ENAH: variants seen among roughly 807,000 people sequenced by gnomAD.
ENAH encodes the protein ENAH actin regulator, also known as protein enabled homolog.
Under a neutral mutation model 78.7 loss-of-function variants are expected in ENAH, and 23 were observed. The ratio of observed to expected loss-of-function variants is 0.29; its 90% confidence interval spans 0.21 to 0.41. The LOEUF is 0.41. ENAH is among the 10% of genes least tolerant of loss of function. ENAH has a pLI of 1.00. For missense variants in ENAH, 544 were observed against 691.0 expected (o/e 0.79, Z 2.39); for synonymous variants, 226 against 241.0 (o/e 0.94, Z 0.58).
intron 1 of ENAH, among the ~76,000 whole-genome samples, chr1:225,582,268 T>C (rs977190141): frequency 6.6e-6 from 1 of 152,184 alleles, no homozygotes; most frequent in Admixed American, 6.6e-5. Flanking sequence ...GCCAGCATCA[T>C]GATTCTTGTA....
intron 2 of ENAH, among the ~76,000 whole-genome samples, chr1:225,557,442 A>C (rs946236558): frequency 6.6e-6 from 1 of 152,220 alleles, no homozygotes; most frequent in African/African-American, 2.4e-5. Context: ...AGAAATAACA[A>C]TACAATGCTG....
chr1:225,518,969 G>T, intron 5 of ENAH: 1 of 656,528 alleles, frequency 1.5e-6, no homozygotes. Flanking sequence ...TAGAATGGCA[G>T]AATAAAAATT....
intron 1 of ENAH, among the ~76,000 whole-genome samples, chr1:225,570,584 C>A (rs1575568027): frequency 6.6e-6 from 1 of 152,120 alleles, no homozygotes; most frequent in East Asian, 1.9e-4. Context: ...TGATCCATGT[C>A]CATTTCATGA....
At chr1:225,506,598 C>T (rs1192543136) in intron 11 of ENAH, among the ~76,000 whole-genome samples, 2 of 152,298 alleles carry the variant, frequency 1.3e-5, no homozygotes, top group East Asian at 1.9e-4. Flanking sequence ...GTCTGAGAAA[C>T]ATAAATGTGC....
intron 1 of ENAH, among the ~76,000 whole-genome samples, chr1:225,620,485 C>T (rs1656618010): frequency 6.6e-6 from 1 of 151,990 alleles, no homozygotes; most frequent in South Asian, 2.1e-4. Context: ...GAGCCAAGAT[C>T]GGCCACTGCA....
At chr1:225,523,809 C>T (rs1485885752) in intron 4 of ENAH, among the ~76,000 whole-genome samples, 1 of 152,098 alleles carries the variant, frequency 6.6e-6, no homozygotes, top group Non-Finnish European at 1.5e-5. Flanking sequence ...AATTTATAAA[C>T]TTTGCTTTTC....
In ENAH at chr1:225,540,394, A is replaced by T. The variant is rs180718751; in HGVS notation, c.350-9756T>A. 2.0e-5 allele frequency among the ~76,000 whole-genome samples: 3 copies of T among 152,328 alleles called. No individual in the cohort carries two copies. In the East Asian group the frequency reaches 5.8e-4, roughly 29 times the overall value. ...TGTTTTTACTCTTTATAAGTAATTT[A>T]AAAAGACTTTCAAAGACCATGTCTG... On this transcript the variant is annotated intron_variant, in intron 3 of 13. Transcript: ENST00000366843.
chr1:225,603,024 G>C (rs572266974), intron 1 of ENAH, among the ~76,000 whole-genome samples: 2 of 151,408 alleles, frequency 1.3e-5, no homozygotes, highest in South Asian at 2.1e-4. Context: ...ATACTATGAA[G>C]TATAGCCAAC....
intron 1 of ENAH, among the ~76,000 whole-genome samples, chr1:225,587,910 C>G (rs925560310): frequency 9.2e-5 from 14 of 151,950 alleles, no homozygotes; most frequent in African/African-American, 3.4e-4. Context: ...ATAAGTGGTG[C>G]TGGAACAACT....
intron 1 of ENAH, among the ~76,000 whole-genome samples, chr1:225,615,823 G>A (rs2097027360): frequency 6.6e-6 from 1 of 152,294 alleles, no homozygotes; most frequent in South Asian, 2.1e-4. Context: ...CCCCGTCTGG[G>A]AGGTGTACCC....
At position 225,496,275 on chromosome 1, in the gene ENAH, G is replaced by A. The variant is rs2096249367; in HGVS notation, c.*1500C>T. 2 of 152,262 alleles carry A rather than the reference G, an allele frequency of 1.3e-5. No homozygotes were observed. Among genetic ancestry groups the A allele is most frequent in the Non-Finnish European group, 1.5e-5 (1 of 68,040 alleles). 9.4% of individuals were successfully genotyped at this position (152,262 alleles called of 1,614,324 possible). ...AGTGGCTTCCATATAGACAGCACGT[G>A]CGCGAGAGCACACACACGCAGAGTG... is the stretch of plus-strand genomic sequence containing the variant. On this transcript the variant is annotated 3_prime_UTR_variant, in exon 14 of 14. Transcript: ENST00000366843.
chr1:225,508,748 A>G (rs2151092255), intron 10 of ENAH, among the ~76,000 whole-genome samples: 1 of 152,350 alleles, frequency 6.6e-6, no homozygotes, highest in East Asian at 1.9e-4. Context: ...TCACTACATG[A>G]CTGGGTAAAA....
At chr1:225,606,651 T>C (rs1429440381) in intron 1 of ENAH, among the ~76,000 whole-genome samples, 2 of 151,632 alleles carry the variant, frequency 1.3e-5, no homozygotes, top group African/African-American at 4.8e-5. Flanking sequence ...AGACCAGCCT[T>C]AGTCAACATG....
intron 1 of ENAH, chr1:225,581,454 T>A (rs940409739): frequency 6.1e-6 from 1 of 165,110 alleles, no homozygotes; most frequent in Non-Finnish European, 1.2e-5. Context: ...GGGTGGAGGG[T>A]GAGCCACACT....
At chr1:225,647,106 G>C (rs1462713805) in intron 1 of ENAH, among the ~76,000 whole-genome samples, 2 of 152,046 alleles carry the variant, frequency 1.3e-5, no homozygotes, top group Non-Finnish European at 2.9e-5. Flanking sequence ...CGCGCCTGTA[G>C]TCTCAGCTAC....
chr1:225,632,697 T>C (rs1575802565), intron 1 of ENAH, among the ~76,000 whole-genome samples: 1 of 152,254 alleles, frequency 6.6e-6, no homozygotes, highest in Non-Finnish European at 1.5e-5. Flanking sequence ...ATAATGCATG[T>C]AAAGGCTGGC....
intron 1 of ENAH, among the ~76,000 whole-genome samples, chr1:225,635,015 A>G (rs1659808986): frequency 6.6e-6 from 1 of 152,224 alleles, no homozygotes; most frequent in Admixed American, 6.5e-5. Flanking sequence ...CACCTTAACA[A>G]TATCAAGTCT....
intron 1 of ENAH, among the ~76,000 whole-genome samples, chr1:225,639,705 A>AACACACACACACACAC (rs374646635): frequency 1.1e-4 from 15 of 138,632 alleles, no homozygotes; most frequent in South Asian, 2.3e-4. Flanking sequence ...GGCGGGATTA[A>AACACACACACACACAC]ACACACACAC....
chr1:225,589,295 T>G (rs373591030), intron 1 of ENAH, among the ~76,000 whole-genome samples: 3 of 152,144 alleles, frequency 2.0e-5, no homozygotes, highest in South Asian at 2.1e-4. Flanking sequence ...CCGCTATATA[T>G]ATATCACAAA....
Sources: allele counts gnomAD v4.1 joint callset (sites outside exome capture counted in the v4.1 genomes callset), GRCh38; gene constraint gnomAD v4.1.1; transcripts MANE v1.5; gene names NCBI Gene and HGNC (gene_info 2026-07-23, HGNC 2026-07-21).